PDE4D: variants seen among roughly 807,000 people sequenced by gnomAD.
PDE4D encodes phosphodiesterase 4D.
In PDE4D, 24 loss-of-function variants were observed where a neutral mutation model predicts 87.4. The ratio of observed to expected loss-of-function variants is 0.27; its 90% CI spans 0.20 to 0.39. The LOEUF is 0.39. Among genes scored for constraint, PDE4D ranks in the 10% least tolerant of loss-of-function variants. The pLI is 1.00. For missense variants in PDE4D, 714 were observed against 1,041.0 expected (o/e 0.69, Z 4.32); for synonymous variants, 384 against 383.2 (o/e 1.00, Z -0.02).
At chr5:60,190,962 C>G (rs1785152930) in intron 1 of PDE4D, among the ~76,000 whole-genome samples, 1 of 152,212 alleles carries the variant, frequency 6.6e-6, no homozygotes, top group African/African-American at 2.4e-5. Context: ...CACCAGCCCT[C>G]TACCCTCCAG....
At chr5:60,289,407 T>C (rs1752698295) in intron 1 of PDE4D, among the ~76,000 whole-genome samples, 1 of 152,060 alleles carries the variant, frequency 6.6e-6, no homozygotes. Flanking sequence ...ATTTGGGTGA[T>C]CCTATAAATC....
intron 1 of PDE4D, among the ~76,000 whole-genome samples, chr5:59,414,387 T>A (rs1426013213): frequency 6.6e-6 from 1 of 152,160 alleles, no homozygotes; most frequent in Non-Finnish European, 1.5e-5. Context: ...GTCTTCATCA[T>A]GGAAGAGGGA....
At chr5:59,200,748 C>A (rs1013153589) in intron 2 of PDE4D, among the ~76,000 whole-genome samples, 1 of 150,488 alleles carries the variant, frequency 6.6e-6, no homozygotes, top group Non-Finnish European at 1.5e-5. Flanking sequence ...TATACATACA[C>A]ACATATGAAG....
At chr5:59,384,432 G>T (rs1431249260) in intron 1 of PDE4D, among the ~76,000 whole-genome samples, 1 of 152,080 alleles carries the variant, frequency 6.6e-6, no homozygotes, top group Non-Finnish European at 1.5e-5. Flanking sequence ...CTGCCAGAAG[G>T]ATCAACAAAG....
chr5:59,093,536 G>A (rs563750355), intron 5 of PDE4D, among the ~76,000 whole-genome samples: 4 of 152,328 alleles, frequency 2.6e-5, no homozygotes, highest in Admixed American at 6.5e-5. Context: ...GGCAGAAAGT[G>A]GGGTACCCCC....
chr5:59,372,381 T>C (rs1247569143), intron 1 of PDE4D, among the ~76,000 whole-genome samples: 1 of 152,212 alleles, frequency 6.6e-6, no homozygotes, highest in Non-Finnish European at 1.5e-5. Context: ...TCCAAATAAC[T>C]AATTGAATCT....
chr5:59,784,239 CTT>C (rs34497367), intron 1 of PDE4D, among the ~76,000 whole-genome samples: 21 of 140,062 alleles, frequency 1.5e-4, no homozygotes, highest in African/African-American at 5.4e-4. Flanking sequence ...AAGTAACTTC[CTT>C]TTTTTTTTTT....
At chr5:60,231,319 A>C (rs921853885) in intron 1 of PDE4D, among the ~76,000 whole-genome samples, 1 of 152,014 alleles carries the variant, frequency 6.6e-6, no homozygotes, top group Non-Finnish European at 1.5e-5. Context: ...TTTTATTTAA[A>C]ACAAATAGAG....
At chr5:60,369,719 C>A (rs1760854493) in intron 1 of PDE4D, among the ~76,000 whole-genome samples, 1 of 152,058 alleles carries the variant, frequency 6.6e-6, no homozygotes. Context: ...CATAAGACCC[C>A]AACATATGAA....
intron 1 of PDE4D, among the ~76,000 whole-genome samples, chr5:59,847,826 C>A (rs551121020): frequency 6.6e-6 from 1 of 152,106 alleles, no homozygotes; most frequent in Non-Finnish European, 1.5e-5. Context: ...CATGGCAATG[C>A]CAATTCCTCT....
intron 5 of PDE4D, among the ~76,000 whole-genome samples, chr5:59,062,194 A>G (rs1426449114): frequency 6.6e-6 from 1 of 152,186 alleles, no homozygotes; most frequent in Non-Finnish European, 1.5e-5. Flanking sequence ...CTAGCTAGCT[A>G]TAATAGCATG....
At chr5:60,486,029 G>A (rs1297140062) in intron 1 of PDE4D, among the ~76,000 whole-genome samples, 3 of 152,180 alleles carry the variant, frequency 2.0e-5, no homozygotes, top group African/African-American at 7.2e-5. Context: ...GCAAGGTAAT[G>A]TAAACAATGA....
intron 1 of PDE4D, chr5:60,430,325 T>C: frequency 2.2e-6 from 1 of 449,762 alleles, no homozygotes; most frequent in South Asian, 1.7e-5. Context: ...TCTTACATCA[T>C]AATCAGTAGT....
chr5:60,050,996 A>G (rs927143254), intron 2 of PDE4D, among the ~76,000 whole-genome samples: 1 of 152,226 alleles, frequency 6.6e-6, no homozygotes, highest in Non-Finnish European at 1.5e-5. Context: ...TAACTATCCT[A>G]AATATATTTG....
chr5:59,917,001 A>G (rs1411891655), intron 3 of PDE4D, among the ~76,000 whole-genome samples: 1 of 95,568 alleles, frequency 1.0e-5, no homozygotes, highest in African/African-American at 4.6e-5. Context: ...AGGGGGTTTC[A>G]TCATTTTGGC....
intron 1 of PDE4D, among the ~76,000 whole-genome samples, chr5:59,603,322 T>G (rs1827770439): frequency 6.6e-6 from 1 of 151,886 alleles, no homozygotes; most frequent in Non-Finnish European, 1.5e-5. Context: ...ATAACCTTAT[T>G]GAAAAATGGG....
upstream of PDE4D, chr5:59,893,736 G>A (rs2152756884): frequency 1.5e-6 from 2 of 1,374,584 alleles, no homozygotes; most frequent in Non-Finnish European, 1.9e-6. Flanking sequence ...CAGCCCAGCA[G>A]AGGCTGGTGC....
At chr5:59,630,376 A>G (rs370742402) in intron 1 of PDE4D, among the ~76,000 whole-genome samples, 7 of 152,278 alleles carry the variant, frequency 4.6e-5, no homozygotes, top group Admixed American at 2.0e-4. Context: ...TCATTTTTCT[A>G]TGAGGACAAT....
At chr5:60,245,594 A>T (rs572384603) in intron 1 of PDE4D, among the ~76,000 whole-genome samples, 1 of 152,122 alleles carries the variant, frequency 6.6e-6, no homozygotes, top group East Asian at 1.9e-4. Flanking sequence ...TTATTAAACC[A>T]TTAAAAAGAA....
Sources: allele counts gnomAD v4.1 joint callset (sites outside exome capture counted in the v4.1 genomes callset), GRCh38; gene constraint gnomAD v4.1.1; transcripts MANE v1.5; gene names NCBI Gene and HGNC (gene_info 2026-07-23, HGNC 2026-07-21).